The following PDE10A variants were observed in gnomAD, a reference collection of about 807,000 sequenced individuals.
PDE10A encodes the protein phosphodiesterase 10A, also known as cAMP and cAMP-inhibited cGMP 3',5'-cyclic phosphodiesterase 10A.
In PDE10A, 39 loss-of-function variants were observed where a neutral mutation model predicts 97.7. That is an observed-to-expected ratio of 0.40 (90% CI 0.31 to 0.52). The LOEUF (loss-of-function observed/expected upper bound fraction) is 0.52, where lower values mean the gene tolerates loss of function less well. PDE10A is among the 20% of genes least tolerant of loss of function. The pLI, the probability that PDE10A is intolerant of heterozygous loss-of-function variation, is 0.56. For missense variants in PDE10A, 731 were observed against 1,047.8 expected (o/e 0.70, Z 4.17); for synonymous variants, 371 against 376.8 (o/e 0.98, Z 0.18).
intron 1 of PDE10A, among the ~76,000 whole-genome samples, chr6:165,803,671 T>G (rs1249056258): frequency 6.6e-6 from 1 of 152,204 alleles, no homozygotes; most frequent in Non-Finnish European, 1.5e-5. Context: ...GTTCCTATAG[T>G]GAATTGCTAA....
At chr6:165,856,771 T>C (rs1780748415) in intron 1 of PDE10A, among the ~76,000 whole-genome samples, 1 of 152,234 alleles carries the variant, frequency 6.6e-6, no homozygotes, top group Non-Finnish European at 1.5e-5. Context: ...TGACACTTCA[T>C]GCTACGTTCA....
At chr6:165,777,084 A>G (rs1010704367) in intron 1 of PDE10A, among the ~76,000 whole-genome samples, 4 of 152,186 alleles carry the variant, frequency 2.6e-5, no homozygotes, top group African/African-American at 7.2e-5. Flanking sequence ...CAAAGCCAGT[A>G]TTAATACCTG....
At chr6:165,736,904 GT>G (rs1456214936) in intron 1 of PDE10A, among the ~76,000 whole-genome samples, 2 of 152,022 alleles carry the variant, frequency 1.3e-5, no homozygotes, top group Non-Finnish European at 2.9e-5. Flanking sequence ...ATTGACAAAC[GT>G]TTAGTTGACT....
At chr6:165,854,602 C>T (rs1319988127) in intron 1 of PDE10A, among the ~76,000 whole-genome samples, 1 of 152,118 alleles carries the variant, frequency 6.6e-6, no homozygotes, top group Non-Finnish European at 1.5e-5. Flanking sequence ...GCTCTGGCCT[C>T]GCCGTCTTGT....
intron 1 of PDE10A, among the ~76,000 whole-genome samples, chr6:165,743,603 A>G (rs759173185): frequency 5.9e-5 from 9 of 152,200 alleles, no homozygotes; most frequent in Non-Finnish European, 1.3e-4. Flanking sequence ...CAACATAGTT[A>G]TATATGTAGC....
At chr6:165,963,676 G>A (rs1784422609) in intron 1 of PDE10A, among the ~76,000 whole-genome samples, 1 of 152,204 alleles carries the variant, frequency 6.6e-6, no homozygotes, top group South Asian at 2.1e-4. Context: ...GCAGCAGCAT[G>A]GGGGCGGCCA....
chr6:165,431,269 CTGAT>C (rs1264251564), intron 8 of PDE10A, among the ~76,000 whole-genome samples, 149 bp downstream of exon 8: 1 of 150,696 alleles, frequency 6.6e-6, no homozygotes, highest in Non-Finnish European at 1.5e-5. Context: ...GTAAATATAA[CTGAT>C]TAAGTTAAAA....
intron 1 of PDE10A, among the ~76,000 whole-genome samples, chr6:165,702,698 T>C (rs1338888380): frequency 1.3e-5 from 2 of 152,108 alleles, no homozygotes; most frequent in African/African-American, 4.8e-5. Context: ...AAGACCCCAC[T>C]CACTCCATGT....
At chr6:165,442,300 C>G (rs982357482) in intron 5 of PDE10A, among the ~76,000 whole-genome samples, 4 of 152,100 alleles carry the variant, frequency 2.6e-5, no homozygotes. Context: ...CCGCTCCCCC[C>G]ACCCCACAAC....
chr6:165,606,710 G>A (rs1204116679), intron 1 of PDE10A, among the ~76,000 whole-genome samples: 2 of 152,114 alleles, frequency 1.3e-5, no homozygotes, highest in Non-Finnish European at 2.9e-5. Flanking sequence ...GAAAGGCTTA[G>A]GGTAGGCACA....
At chr6:165,476,228 C>T (rs930451573) in intron 3 of PDE10A, among the ~76,000 whole-genome samples, 14 of 150,484 alleles carry the variant, frequency 9.3e-5, no homozygotes, top group Non-Finnish European at 8.9e-5. Context: ...AGGATAGAAG[C>T]GAATTTGGGA....
intron 1 of PDE10A, among the ~76,000 whole-genome samples, chr6:165,755,179 G>C (rs115353889): frequency 6.6e-6 from 1 of 152,148 alleles, no homozygotes; most frequent in African/African-American, 2.4e-5. Flanking sequence ...GATGGCCTGC[G>C]ACCAGAGGAG....
chr6:165,453,238 A>G (rs1353417761), intron 3 of PDE10A, among the ~76,000 whole-genome samples: 1 of 152,240 alleles, frequency 6.6e-6, no homozygotes, highest in Non-Finnish European at 1.5e-5. Flanking sequence ...AGAGAAATTA[A>G]AGGTGGAATT....
At chr6:165,677,852 GTGTT>G (rs1259935334) in intron 1 of PDE10A, among the ~76,000 whole-genome samples, 9 of 152,064 alleles carry the variant, frequency 5.9e-5, no homozygotes, top group African/African-American at 1.4e-4. Flanking sequence ...GTGTATGTGT[GTGTT>G]TGTATGTGTA....
chr6:165,680,210 T>A (rs1217523172), intron 1 of PDE10A, among the ~76,000 whole-genome samples: 1 of 152,142 alleles, frequency 6.6e-6, no homozygotes, highest in African/African-American at 2.4e-5. Flanking sequence ...AAAATCACCA[T>A]GAAAATTCCT....
chr6:165,449,787 C>A (rs574312092), intron 4 of PDE10A, among the ~76,000 whole-genome samples: 1 of 152,168 alleles, frequency 6.6e-6, no homozygotes, highest in Non-Finnish European at 1.5e-5. Flanking sequence ...AAAATCATGT[C>A]CTAAAAACAA....
intron 3 of PDE10A, among the ~76,000 whole-genome samples, chr6:165,459,489 T>TTAGATAGA (rs147229263): frequency 3.3e-3 from 486 of 146,912 alleles, no homozygotes; most frequent in East Asian, 7.5e-3. Context: ...TTCTAATGCA[T>TTAGATAGA]TAGATAGATA....
intron 1 of PDE10A, among the ~76,000 whole-genome samples, chr6:165,610,674 G>A (rs1212962267): frequency 6.6e-6 from 1 of 152,134 alleles, no homozygotes. Context: ...CAGCTTGTAG[G>A]CAATGAGCCC....
chr6:165,528,333 C>A (rs1782573296), intron 2 of PDE10A, among the ~76,000 whole-genome samples: 1 of 152,212 alleles, frequency 6.6e-6, no homozygotes, highest in Non-Finnish European at 1.5e-5. Context: ...CTTTCCCCAG[C>A]CACCCCTGTC....
Sources: gnomAD v4.1 joint callset for allele counts (sites outside exome capture counted in the v4.1 genomes callset) on GRCh38, gnomAD v4.1.1 for gene constraint, MANE v1.5 for transcripts, NCBI Gene and HGNC (gene_info 2026-07-23, HGNC 2026-07-21) for gene names.